TRPC4: variants seen among roughly 807,000 people sequenced by gnomAD.
TRPC4 encodes transient receptor potential cation channel subfamily C member 4.
TRPC4 carries 49 observed loss-of-function variants against 99.4 expected under a neutral mutation model. The ratio of observed to expected loss-of-function variants is 0.49; its 90% CI spans 0.39 to 0.63. TRPC4 has a LOEUF of 0.63. Among genes scored for constraint, TRPC4 ranks in the 20% least tolerant of loss-of-function variants. The pLI is 0.00. For missense variants in TRPC4, 898 were observed against 1,152.9 expected (o/e 0.78, Z 3.20); for synonymous variants, 454 against 425.9 (o/e 1.07, Z -0.81).
chr13:37,753,162 A>T (rs897699695), intron 2 of TRPC4, among the ~76,000 whole-genome samples: 1 of 152,092 alleles, frequency 6.6e-6, no homozygotes, highest in Non-Finnish European at 1.5e-5. Context: ...GGAACTAGCA[A>T]TGTAAAACAG....
At chr13:37,803,469 G>A (rs1372948355) in intron 1 of TRPC4, among the ~76,000 whole-genome samples, 1 of 151,828 alleles carries the variant, frequency 6.6e-6, no homozygotes, top group East Asian at 1.9e-4. Context: ...AAATCATTCT[G>A]ATATTTAAAA....
intron 1 of TRPC4, among the ~76,000 whole-genome samples, chr13:37,821,176 C>T (rs555568748): frequency 5.6e-5 from 8 of 143,110 alleles, no homozygotes; most frequent in African/African-American, 2.1e-4. Flanking sequence ...TGAATGAAAT[C>T]ACATTCACAA....
intron 3 of TRPC4, among the ~76,000 whole-genome samples, chr13:37,703,926 T>C (rs1409220224): frequency 1.3e-5 from 2 of 152,156 alleles, no homozygotes; most frequent in Non-Finnish European, 2.9e-5. Context: ...TCATAGTAGC[T>C]TTTTTGTAAT....
intron 3 of TRPC4, among the ~76,000 whole-genome samples, chr13:37,734,266 C>T (rs1593615254): frequency 6.6e-6 from 1 of 152,242 alleles, no homozygotes. Flanking sequence ...TTTTCCTGGG[C>T]TTCAATAAGG....
chr13:37,639,375 C>T (rs939182367), intron 8 of TRPC4, 76 bp from the exon 9 acceptor site: 24 of 1,440,712 alleles, frequency 1.7e-5, no homozygotes, highest in Middle Eastern at 2.3e-4. Context: ...TTTTTTTAAT[C>T]GATAATGTTT....
intron 2 of TRPC4, among the ~76,000 whole-genome samples, chr13:37,773,549 A>T (rs1277571713): frequency 6.6e-6 from 1 of 151,670 alleles, no homozygotes; most frequent in East Asian, 2.0e-4. Flanking sequence ...GAACTCTGCA[A>T]CTCCTTAGCA....
At chr13:37,816,732 T>A (rs1421487891) in intron 1 of TRPC4, among the ~76,000 whole-genome samples, 2 of 151,960 alleles carry the variant, frequency 1.3e-5, no homozygotes, top group East Asian at 3.9e-4. Context: ...TGCAAATCAA[T>A]AAATATGATC....
At chr13:37,816,230 A>G (rs1365128881) in intron 1 of TRPC4, among the ~76,000 whole-genome samples, 2 of 151,882 alleles carry the variant, frequency 1.3e-5, no homozygotes, top group African/African-American at 4.8e-5. Flanking sequence ...AACTATCCTA[A>G]ATAGTCACAC....
At chr13:37,649,463 G>A (rs546546404) in intron 8 of TRPC4, among the ~76,000 whole-genome samples, 2 of 152,024 alleles carry the variant, frequency 1.3e-5, no homozygotes, top group Admixed American at 6.6e-5. Flanking sequence ...GGCCGGGCGC[G>A]GTGGCTCACG....
intron 1 of TRPC4, among the ~76,000 whole-genome samples, chr13:37,863,528 A>G (rs1959536530): frequency 6.6e-6 from 1 of 151,354 alleles, no homozygotes; most frequent in African/African-American, 2.4e-5. Flanking sequence ...AGAAGACCCA[A>G]CTCTGCTTGT....
chr13:37,779,422 T>TAA (rs34336154), intron 2 of TRPC4, among the ~76,000 whole-genome samples: 1 of 144,774 alleles, frequency 6.9e-6, no homozygotes, highest in Non-Finnish European at 1.5e-5. Flanking sequence ...CTCTTCTCAT[T>TAA]AAAAAAAAAA....
At chr13:37,824,873 C>T (rs367659231) in intron 1 of TRPC4, among the ~76,000 whole-genome samples, 11 of 151,994 alleles carry the variant, frequency 7.2e-5, no homozygotes, top group East Asian at 5.8e-4. Flanking sequence ...GTACCTCTGG[C>T]AGAATTCGGC....
rs10528143 is a variant in TRPC4, at chr13:37,752,075, CTATA to C, written c.379-5624_379-5621del. On this transcript the variant is annotated intron_variant, in intron 2 of 10. Coordinates refer to ENST00000379705, the MANE Select transcript of TRPC4 (RefSeq NM_016179.4). ...TACCAAAACCTGATAAAGCAGAAAA[CTATA>C]TATATATATATATATATGACTGGTA... Among the ~76,000 whole-genome samples the C allele has an allele frequency of 9.5e-5, 7 of 73,954 alleles. 1 individual carries two copies. The highest frequency in any genetic ancestry group is 1.4e-4 in the Non-Finnish European group (5 of 36,716). The allele number at this position is 73,954 out of a possible 152,430, so 48.5% of individuals were successfully genotyped here. A position where few individuals can be genotyped will look rare whatever the true frequency, so the allele number is the denominator to read the frequency against.
rs117281046 is a variant in TRPC4, at chr13:37,798,875, T to C, written c.-27-15515A>G. On this transcript the variant is annotated intron_variant, in intron 1 of 10. Coordinates refer to ENST00000379705, the MANE Select transcript of TRPC4 (RefSeq NM_016179.4). ...AACATTATTTTTAATAGCTATCTTC[T>C]TTAGTATTTTGTAATGAGTGATTAT... Among the ~76,000 whole-genome samples, 1,169 of 152,218 alleles carry C rather than the reference T, an allele frequency of 7.7e-3. 14 individuals carry two copies. The East Asian group carries it at 0.089, about 12-fold the overall frequency.
chr13:37,722,156 A>G (rs1954889812), intron 3 of TRPC4, among the ~76,000 whole-genome samples: 1 of 152,194 alleles, frequency 6.6e-6, no homozygotes, highest in Non-Finnish European at 1.5e-5. Flanking sequence ...TTAAAGTTAC[A>G]CAGTAGTAAC....
intron 1 of TRPC4, among the ~76,000 whole-genome samples, chr13:37,817,852 G>T (rs1593249517): frequency 6.6e-6 from 1 of 152,028 alleles, no homozygotes; most frequent in Admixed American, 6.6e-5. Context: ...ATTGACATTG[G>T]ACCCCTTCCT....
intron 5 of TRPC4, among the ~76,000 whole-genome samples, chr13:37,671,015 A>C (rs1373990564): frequency 2.6e-5 from 4 of 152,088 alleles, no homozygotes; most frequent in Non-Finnish European, 5.9e-5. Flanking sequence ...ATCCTTGTTT[A>C]CATGCATTTC....
chr13:37,743,085 GA>G (rs1324020910), intron 3 of TRPC4, among the ~76,000 whole-genome samples: 4 of 151,964 alleles, frequency 2.6e-5, no homozygotes, highest in African/African-American at 9.6e-5. Context: ...ATTTTGAAAG[GA>G]AAAAAATCCC....
At position 37,701,536 on chromosome 13, in the gene TRPC4, C is replaced by T. The variant is rs200783127; in HGVS notation, c.898-9201G>A. On this transcript the variant is annotated intron_variant, in intron 3 of 10. Coordinates refer to ENST00000379705, the MANE Select transcript of TRPC4 (RefSeq NM_016179.4). Reference sequence around the variant, plus strand: ...TGTCATTTCCAGCATTTCCACTTGCCACACGTGCAAGTGTTGCTTGTTCCC... The same window carrying T: ...TGTCATTTCCAGCATTTCCACTTGCTACACGTGCAAGTGTTGCTTGTTCCC... Among the ~76,000 whole-genome samples, 9 of 152,160 alleles carry T rather than the reference C, an allele frequency of 5.9e-5. No individual in the cohort carries two copies. In the East Asian group the frequency reaches 1.2e-3, roughly 20 times the overall value.
Sources: gnomAD v4.1 joint callset for allele counts (sites outside exome capture counted in the v4.1 genomes callset) on GRCh38, gnomAD v4.1.1 for gene constraint, MANE v1.5 for transcripts, NCBI Gene and HGNC (gene_info 2026-07-23, HGNC 2026-07-21) for gene names.